Variants in LRRIQ3 observed in about 807,000 individuals in gnomAD.
The protein encoded by LRRIQ3 is leucine rich repeats and IQ motif containing 3.
In LRRIQ3, 75 loss-of-function variants were observed where a neutral mutation model predicts 59.3. The ratio of observed to expected loss-of-function variants is 1.26; its 90% CI spans 1.05 to 1.53. LRRIQ3 has a LOEUF of 1.53. Ranked by LOEUF, LRRIQ3 falls within the 40% of genes most tolerant of loss-of-function variation. The pLI is 0.00. For synonymous variants in LRRIQ3, 250 were observed against 231.3 expected (o/e 1.08, Z -0.73); for missense variants, 831 against 710.0 (o/e 1.17, Z -1.94).
At chr1:74,147,323 T>TA (rs374696420) in intron 4 of LRRIQ3, among the ~76,000 whole-genome samples, 4 of 152,156 alleles carry the variant, frequency 2.6e-5, no homozygotes, top group Non-Finnish European at 5.9e-5. Flanking sequence ...AAGAACATTC[T>TA]AAAAAAACTC....
intron 5 of LRRIQ3, among the ~76,000 whole-genome samples, chr1:74,108,302 T>C (rs1646641576): frequency 6.6e-6 from 1 of 151,886 alleles, no homozygotes. Flanking sequence ...ACACAGAGGG[T>C]CAAAACATAA....
At chr1:74,103,963 TGCTAC>T (rs1646571780) in intron 5 of LRRIQ3, among the ~76,000 whole-genome samples, 1 of 152,002 alleles carries the variant, frequency 6.6e-6, no homozygotes, top group Admixed American at 6.6e-5. Flanking sequence ...TGCACTCCTG[TGCTAC>T]GCAATGCAAT....
chr1:74,108,095 C>A (rs959755540), intron 5 of LRRIQ3, among the ~76,000 whole-genome samples: 1 of 151,602 alleles, frequency 6.6e-6, no homozygotes, highest in African/African-American at 2.4e-5. Context: ...CTTGCCACAA[C>A]AAAATATATA....
At position 74,098,508 on chromosome 1, in the gene LRRIQ3, T is replaced by C. The variant is rs567010873; in HGVS notation, c.867+10886A>G. Among the ~76,000 whole-genome samples the C allele has an allele frequency of 2.6e-5, 4 of 151,942 alleles. No individual in the cohort carries two copies. In the South Asian group the frequency reaches 6.3e-4, roughly 24 times the overall value. ...TAGGCAGATCAACGAGACAGAAAGT[T>C]AAAAAGGATATCCAGGAATTGAACT... On this transcript the variant is annotated intron_variant, in intron 5 of 7. Coordinates refer to ENST00000354431, the MANE Select transcript of LRRIQ3 (RefSeq NM_001105659.2).
At chr1:74,141,063 CTG>C (rs751244896) in intron 4 of LRRIQ3, among the ~76,000 whole-genome samples, 3 of 151,802 alleles carry the variant, frequency 2.0e-5, no homozygotes, top group Non-Finnish European at 2.9e-5. Context: ...AGATAAAATA[CTG>C]TGTTTGTTTG....
chr1:74,050,470 A>T, intron 6 of LRRIQ3: 2 of 960,794 alleles, frequency 2.1e-6, no homozygotes, highest in Non-Finnish European at 2.5e-6. Flanking sequence ...CTGAACAGAT[A>T]GTTGGATCTT....
At chr1:74,083,533 A>C (rs1646295117) in intron 5 of LRRIQ3, 1 of 151,728 alleles carries the variant, frequency 6.6e-6, no homozygotes, top group South Asian at 2.1e-4. Context: ...TTGTAGGTGA[A>C]TTTTGTCAGC....
intron 3 of LRRIQ3, among the ~76,000 whole-genome samples, chr1:74,167,712 G>T (rs946784522): frequency 2.0e-5 from 3 of 151,098 alleles, no homozygotes; most frequent in Non-Finnish European, 3.0e-5. Flanking sequence ...CACCACTAAA[G>T]AACTTATTCA....
At chr1:74,097,088 C>T (rs544898415) in intron 5 of LRRIQ3, among the ~76,000 whole-genome samples, 1 of 152,160 alleles carries the variant, frequency 6.6e-6, no homozygotes, top group East Asian at 1.9e-4. Context: ...CAGACAGGGA[C>T]ATTTAAGTCT....
At chr1:74,145,176 C>T (rs1487996904) in intron 4 of LRRIQ3, among the ~76,000 whole-genome samples, 1 of 152,054 alleles carries the variant, frequency 6.6e-6, no homozygotes, top group Non-Finnish European at 1.5e-5. Context: ...GAGCTAAGGC[C>T]ACAGTCATAT....
intron 6 of LRRIQ3, among the ~76,000 whole-genome samples, chr1:74,071,652 TCTAATTTGATAAG>T (rs1557602220): frequency 6.6e-6 from 1 of 152,126 alleles, no homozygotes; most frequent in Non-Finnish European, 1.5e-5. Context: ...TTTGTGTCAT[TCTAATTTGATAAG>T]CCAATCATGT....
In LRRIQ3 at chr1:74,157,120, T is replaced by C. The variant is rs1432119273; in HGVS notation, c.574-1254A>G. Among the ~76,000 whole-genome samples the C allele has an allele frequency of 4.6e-5, 7 of 152,148 alleles. No homozygotes were observed. In the East Asian group the frequency reaches 1.4e-3, roughly 29 times the overall value. ...CTTATTTCCTTGGCTCTGTCTTTAT[T>C]CTATTCCCAACATTAGCTACTGAAA... On this transcript the variant is annotated intron_variant, in intron 3 of 7. Transcript: ENST00000354431.
In LRRIQ3 at chr1:74,145,200, C is replaced by T. The variant is rs143389693; in HGVS notation, c.707+10533G>A. ...CCACAGTCATATGACTTAGCTTAAC[C>T]AATTCGGTGCTTTTTCCCTGGATTT... On this transcript the variant is annotated intron_variant, in intron 4 of 7. Transcript: ENST00000354431. 4.0e-3 allele frequency among the ~76,000 whole-genome samples: 606 copies of T among 152,118 alleles called. 6 individuals are homozygous for T. The highest frequency in any genetic ancestry group is 0.014 in the African/African-American group (573 of 41,508).
intron 4 of LRRIQ3, among the ~76,000 whole-genome samples, chr1:74,137,297 C>A (rs1440360172): frequency 6.6e-6 from 1 of 151,988 alleles, no homozygotes; most frequent in East Asian, 1.9e-4. Context: ...TGAACAGACA[C>A]TTCTCAAAAG....
chr1:74,194,173 T>C (rs1448008560), intron 1 of LRRIQ3, among the ~76,000 whole-genome samples: 2 of 152,086 alleles, frequency 1.3e-5, no homozygotes, highest in African/African-American at 4.8e-5. Context: ...AGCTATGATC[T>C]GCCATTGCAC....
Position 74,041,712 on chromosome 1 carries a change from A to G in LRRIQ3, c.1219T>C (p.Phe407Leu). The change falls in exon 7 of 8, where the codon TTT becomes CTT. Residue 407 changes from phenylalanine to leucine, a missense_variant. Phe to Leu is a conservative substitution (Grantham distance 22). Coordinates refer to ENST00000354431, the MANE Select transcript of LRRIQ3 (RefSeq NM_001105659.2). ...ATACCAGCTCTTTGTGGTGCAAAAAACTCTTTCATACTCCGCTCCAATCGT... is the reference window on the plus strand; with the variant it reads ...ATACCAGCTCTTTGTGGTGCAAAAAGCTCTTTCATACTCCGCTCCAATCGT... ...DIRLERSMKE[F>L]FAPQRAGMKL... 6.2e-7 allele frequency: 1 copy of G among 1,611,804 alleles called. No individual in the cohort carries two copies. The highest frequency in any genetic ancestry group is 8.5e-7 in the Non-Finnish European group (1 of 1,179,192).
chr1:74,150,043 T>C (rs1337279089), intron 4 of LRRIQ3, among the ~76,000 whole-genome samples: 3 of 152,200 alleles, frequency 2.0e-5, no homozygotes, highest in Non-Finnish European at 4.4e-5. Context: ...AAATGCAGTA[T>C]ATCCGGTAAG....
intron 7 of LRRIQ3, among the ~76,000 whole-genome samples, chr1:74,028,096 G>T (rs1014751235): frequency 6.6e-6 from 1 of 152,052 alleles, no homozygotes; most frequent in Non-Finnish European, 1.5e-5. Flanking sequence ...AAGGTAGAGA[G>T]GGTAGCACAG....
At chr1:74,069,733 A>C (rs1281921624) in intron 6 of LRRIQ3, among the ~76,000 whole-genome samples, 1 of 152,086 alleles carries the variant, frequency 6.6e-6, no homozygotes, top group East Asian at 1.9e-4. Context: ...AAGTAGGTGC[A>C]TGGAGACTTT....
Sources: allele counts gnomAD v4.1 joint callset (sites outside exome capture counted in the v4.1 genomes callset), GRCh38; gene constraint gnomAD v4.1.1; transcripts MANE v1.5; gene names NCBI Gene and HGNC (gene_info 2026-07-23, HGNC 2026-07-21).